AGBL4: variants seen among roughly 807,000 people sequenced by gnomAD.
The protein encoded by AGBL4 is cytosolic carboxypeptidase 6.
A neutral mutation model predicts 66.4 loss-of-function variants in AGBL4; 58 were observed. The observed-to-expected ratio is 0.87, with a 90% CI of 0.71 to 1.09. AGBL4 has a LOEUF of 1.09. AGBL4 is among the 50% of genes least tolerant of loss of function. AGBL4 has a pLI of 0.00. For missense variants in AGBL4, 579 were observed against 631.0 expected (o/e 0.92, Z 0.88); for synonymous variants, 234 against 222.9 (o/e 1.05, Z -0.44).
intron 3 of AGBL4, among the ~76,000 whole-genome samples, chr1:49,660,922 A>G (rs1214592124): frequency 6.6e-6 from 1 of 151,986 alleles, no homozygotes; most frequent in Non-Finnish European, 1.5e-5. Flanking sequence ...GAACAAAGGG[A>G]GGAGAACAAC....
intron 6 of AGBL4, among the ~76,000 whole-genome samples, chr1:48,686,022 T>C (rs1570249684): frequency 6.6e-6 from 1 of 152,202 alleles, no homozygotes; most frequent in East Asian, 1.9e-4. Flanking sequence ...GTATGGTCAA[T>C]TGACTTTTAT....
chr1:49,362,816 A>G (rs1009161221), intron 3 of AGBL4, among the ~76,000 whole-genome samples: 4 of 152,244 alleles, frequency 2.6e-5, no homozygotes, highest in African/African-American at 9.6e-5. Context: ...TCAATTGCAT[A>G]TGGGCTCACC....
rs1345910029 is a variant in AGBL4, at chr1:48,587,032, CG to C, written c.1238del (p.Thr413ArgfsTer12). 2 of 1,609,668 alleles carry C rather than the reference CG, an allele frequency of 1.2e-6. No homozygotes were observed. The highest frequency in any genetic ancestry group is 4.5e-5 in the East Asian group (2 of 44,778). The stretch of plus-strand genomic sequence containing the variant: ...CTTCTTCAGTGTAGGGCACAGCAGC[CG>C]TGGTGCCACTGATGATGTAGCTGTA... ...SFYSYIISGT[T>X]AAVPYTEEAY... On this transcript the variant is annotated frameshift_variant, in exon 11 of 14. Transcript: ENST00000371839. LOFTEE classifies it high-confidence loss of function.
At chr1:49,002,534 A>G (rs1426612972) in intron 5 of AGBL4, among the ~76,000 whole-genome samples, 1 of 152,234 alleles carries the variant, frequency 6.6e-6, no homozygotes, top group Non-Finnish European at 1.5e-5. Flanking sequence ...TACCTTCTAA[A>G]TCTTGGCAAC....
At chr1:49,673,346 C>G (rs534985013) in intron 3 of AGBL4, among the ~76,000 whole-genome samples, 117 of 152,260 alleles carry the variant, frequency 7.7e-4, no homozygotes, top group African/African-American at 2.6e-3. Context: ...GGTTATATAC[C>G]AGCAGTGGAA....
chr1:48,651,170 T>A (rs900005247), intron 8 of AGBL4, among the ~76,000 whole-genome samples: 1 of 152,256 alleles, frequency 6.6e-6, no homozygotes, highest in South Asian at 2.1e-4. Context: ...CCAAGTCTCA[T>A]AATGAGAATC....
chr1:50,019,260 A>G (rs1372961771), intron 1 of AGBL4, among the ~76,000 whole-genome samples: 1 of 125,790 alleles, frequency 7.9e-6, no homozygotes, highest in Non-Finnish European at 1.7e-5. Context: ...AGGAAAAAAA[A>G]TATTCTCTCT....
chr1:48,743,538 T>C (rs1380648967), intron 6 of AGBL4, among the ~76,000 whole-genome samples: 1 of 152,198 alleles, frequency 6.6e-6, no homozygotes, highest in Non-Finnish European at 1.5e-5. Flanking sequence ...AATGACTTGA[T>C]TAACTTTTGT....
chr1:48,775,284 C>A (rs1273027622), intron 6 of AGBL4, among the ~76,000 whole-genome samples: 2 of 152,090 alleles, frequency 1.3e-5, no homozygotes, highest in Non-Finnish European at 2.9e-5. Context: ...CCAGTTCTTC[C>A]ACTCTTCAAC....
chr1:49,799,903 C>T (rs1428442466), intron 2 of AGBL4, among the ~76,000 whole-genome samples: 1 of 152,050 alleles, frequency 6.6e-6, no homozygotes, highest in East Asian at 1.9e-4. Flanking sequence ...ATACCTTCCA[C>T]CATTAGCTTT....
At chr1:48,652,648 T>C (rs1211449400) in intron 8 of AGBL4, among the ~76,000 whole-genome samples, 1 of 152,220 alleles carries the variant, frequency 6.6e-6, no homozygotes, top group Non-Finnish European at 1.5e-5. Flanking sequence ...TGTGTGACTT[T>C]GGGCAAGTCA....
At chr1:48,660,626 G>T (rs566822988) in intron 7 of AGBL4, among the ~76,000 whole-genome samples, 1 of 152,302 alleles carries the variant, frequency 6.6e-6, no homozygotes, top group Non-Finnish European at 1.5e-5. Context: ...GTGGGGTAAT[G>T]ATGCCTCTTA....
chr1:48,541,245 C>T (rs529795029), intron 11 of AGBL4, among the ~76,000 whole-genome samples: 1 of 152,248 alleles, frequency 6.6e-6, no homozygotes, highest in African/African-American at 2.4e-5. Context: ...GTAAGTCTTC[C>T]TTGGCTGCCC....
Position 48,590,939 on chromosome 1 carries a change from A to G in AGBL4, c.998T>C (p.Met333Thr). 1.2e-6 allele frequency: 2 copies of G among 1,610,850 alleles called. No homozygotes were observed. Among genetic ancestry groups the G allele is most frequent in the South Asian group, 1.1e-5 (1 of 89,806 alleles). ...FYIDIHAHST[M>T]MNGFMYGNIF... is the part of the protein sequence containing the mutation. ...GTTGCCATACATGAAGCCATTCATC[A>G]TGGTGGAGTGGGCATGGATGTCAAT... The change falls in exon 10 of 14, where the codon ATG becomes ACG. Residue 333 changes from methionine (M) to threonine (T), a missense_variant. Met to Thr is a moderately conservative substitution (Grantham distance 81, BLOSUM62 -1). Transcript: ENST00000371839.
intron 6 of AGBL4, among the ~76,000 whole-genome samples, chr1:48,689,203 C>CAAAAAAAAAAAA (rs939955179): frequency 1.9e-5 from 1 of 53,338 alleles, no homozygotes; most frequent in African/African-American, 5.9e-5. Context: ...GACCCGGTCT[C>CAAAAAAAAAAAA]AAAAAAAAAA....
At chr1:48,799,928 A>T (rs1385016520) in intron 6 of AGBL4, among the ~76,000 whole-genome samples, 3 of 152,128 alleles carry the variant, frequency 2.0e-5, no homozygotes, top group Non-Finnish European at 4.4e-5. Context: ...TTTTCCATCT[A>T]TGTTCATCAG....
chr1:48,644,733 A>T (rs2148429249), intron 8 of AGBL4, among the ~76,000 whole-genome samples: 1 of 152,308 alleles, frequency 6.6e-6, no homozygotes, highest in East Asian at 1.9e-4. Flanking sequence ...GAGGAAGCTG[A>T]AAAGAAAGTT....
intron 3 of AGBL4, among the ~76,000 whole-genome samples, chr1:49,668,347 T>C (rs1189588612): frequency 1.3e-5 from 2 of 152,194 alleles, no homozygotes; most frequent in Non-Finnish European, 2.9e-5. Flanking sequence ...TACTGAAAGA[T>C]GTCCAAGCAC....
intron 2 of AGBL4, among the ~76,000 whole-genome samples, chr1:49,833,749 G>A (rs1456476151): frequency 6.6e-6 from 1 of 152,104 alleles, no homozygotes; most frequent in Non-Finnish European, 1.5e-5. Flanking sequence ...TATTCTCTTT[G>A]AAGCAATTGT....
Sources: gnomAD v4.1 joint callset for allele counts (sites outside exome capture counted in the v4.1 genomes callset) on GRCh38, gnomAD v4.1.1 for gene constraint, MANE v1.5 for transcripts, NCBI Gene and HGNC (gene_info 2026-07-23, HGNC 2026-07-21) for gene names.